DPH6: variants seen among roughly 807,000 people sequenced by gnomAD.
DPH6 encodes the protein diphthamine biosynthesis 6.
In DPH6, 33 loss-of-function variants were observed where a neutral mutation model predicts 38.2. The ratio of observed to expected loss-of-function variants is 0.86; its 90% CI spans 0.65 to 1.15. The LOEUF (loss-of-function observed/expected upper bound fraction) is 1.15. DPH6 is among the 50% of genes most tolerant of loss of function. The pLI is 0.00. For missense variants in DPH6, 325 were observed against 320.0 expected (o/e 1.02, Z -0.12); for synonymous variants, 108 against 103.0 (o/e 1.05, Z -0.30).
intron 3 of DPH6, among the ~76,000 whole-genome samples, chr15:35,499,553 T>C (rs1226891845): frequency 1.3e-5 from 2 of 152,142 alleles, no homozygotes; most frequent in Non-Finnish European, 2.9e-5. Flanking sequence ...CACTGTGTTT[T>C]GGGGAAAGGA....
intron 3 of DPH6, among the ~76,000 whole-genome samples, chr15:35,348,506 C>A (rs1342135824): frequency 2.0e-5 from 3 of 151,986 alleles, no homozygotes; most frequent in East Asian, 1.9e-4. Flanking sequence ...GTCTATAGGT[C>A]TATTTTTATG....
the DPH6 span, among the ~76,000 whole-genome samples, chr15:35,190,065 G>A: frequency 6.6e-6 from 1 of 151,960 alleles, no homozygotes; most frequent in East Asian, 1.9e-4. Flanking sequence ...TGGCAGTGCT[G>A]GAATAAAATT....
chr15:35,528,247 C>T (rs2055034622), intron 3 of DPH6, among the ~76,000 whole-genome samples: 3 of 152,070 alleles, frequency 2.0e-5, no homozygotes, highest in African/African-American at 7.2e-5. Context: ...GTATTAAGAA[C>T]TGATTCTGAT....
chr15:35,382,527 A>G (rs2052885040), intron 6 of DPH6, among the ~76,000 whole-genome samples: 1 of 152,226 alleles, frequency 6.6e-6, no homozygotes, highest in South Asian at 2.1e-4. Context: ...ATTCAAAGCT[A>G]GATTCAGTCA....
chr15:35,383,337 G>T (rs2052897586), intron 6 of DPH6, among the ~76,000 whole-genome samples: 1 of 152,124 alleles, frequency 6.6e-6, no homozygotes, highest in African/African-American at 2.4e-5. Context: ...TTAAAATCTG[G>T]ATGTACCCAG....
At chr15:35,276,985 A>G (rs59626914) in intron 3 of DPH6, among the ~76,000 whole-genome samples, 5,479 of 152,160 alleles carry the variant, frequency 0.036, 300 homozygotes, top group African/African-American at 0.12. Context: ...ATATTTTGAT[A>G]GGGATTACAC....
At chr15:35,310,432 G>T (rs989170507) in intron 3 of DPH6, among the ~76,000 whole-genome samples, 1 of 152,086 alleles carries the variant, frequency 6.6e-6, no homozygotes, top group Admixed American at 6.5e-5. Flanking sequence ...GAACAGTGGG[G>T]CGAGAAAAGA....
intron 5 of DPH6, among the ~76,000 whole-genome samples, chr15:35,418,359 A>C (rs2053461988): frequency 6.6e-6 from 1 of 152,164 alleles, no homozygotes. Context: ...TAATACATGA[A>C]TATATTACTT....
chr15:35,242,875 C>A (rs1357145780), intron 3 of DPH6, among the ~76,000 whole-genome samples: 2 of 142,362 alleles, frequency 1.4e-5, no homozygotes, highest in African/African-American at 2.5e-5. Context: ...CTCCTATTCA[C>A]CGTTCTCAAC....
chr15:35,381,763 A>C (rs1371451035), intron 7 of DPH6, 59 bp downstream of exon 7: 1 of 1,383,148 alleles, frequency 7.2e-7, no homozygotes, highest in Admixed American at 1.7e-5. Context: ...CTTAATGTTC[A>C]GTTGCTTCCA....
intron 3 of DPH6, among the ~76,000 whole-genome samples, chr15:35,354,230 G>A (rs192649556): frequency 2.4e-4 from 37 of 152,254 alleles, no homozygotes; most frequent in African/African-American, 8.4e-4. Flanking sequence ...CTGCAAACAG[G>A]GACAATTTGA....
chr15:35,339,559 AGGTCATC>A (rs2052404287), intron 3 of DPH6, among the ~76,000 whole-genome samples: 1 of 152,078 alleles, frequency 6.6e-6, no homozygotes, highest in Non-Finnish European at 1.5e-5. Context: ...TCCTAACTTC[AGGTCATC>A]TGCCTGCCTT....
the DPH6 span, among the ~76,000 whole-genome samples, chr15:35,180,540 A>G: frequency 6.6e-6 from 1 of 152,190 alleles, no homozygotes; most frequent in Admixed American, 6.5e-5. Context: ...GGCTCACTGC[A>G]GCCTTGACCT....
At position 35,487,053 on chromosome 15, in the gene DPH6, C is replaced by T. The variant is rs575699819; in HGVS notation, c.313-32233G>A. Among the ~76,000 whole-genome samples the T allele has an allele frequency of 4.6e-5, 7 of 152,290 alleles. No homozygotes were observed. In the South Asian group the frequency reaches 8.3e-4, roughly 18 times the overall value. ...GACTCCATGTCTCACATCCAGGGCACGCTGATGCAAGACATGGTCTCCCAA... is the reference window on the plus strand; with the variant it reads ...GACTCCATGTCTCACATCCAGGGCATGCTGATGCAAGACATGGTCTCCCAA... On this transcript the variant is annotated intron_variant, in intron 3 of 8. Transcript: ENST00000256538.
At chr15:35,315,477 T>C (rs1414205051) in intron 3 of DPH6, among the ~76,000 whole-genome samples, 1 of 152,224 alleles carries the variant, frequency 6.6e-6, no homozygotes, top group East Asian at 1.9e-4. Context: ...GCAGTTACTT[T>C]GCAACAGTGA....
intron 7 of DPH6, among the ~76,000 whole-genome samples, chr15:35,380,649 T>C (rs1474107416): frequency 6.6e-6 from 1 of 152,232 alleles, no homozygotes; most frequent in African/African-American, 2.4e-5. Context: ...TTGAATAATA[T>C]AACGTATTAT....
At chr15:35,237,475 C>T in intron 3 of DPH6, 6 of 1,584,004 alleles carry the variant, frequency 3.8e-6, no homozygotes, top group Non-Finnish European at 5.2e-6. Context: ...TCAGTGCAAC[C>T]AACGTAGGCC....
intron 3 of DPH6, among the ~76,000 whole-genome samples, chr15:35,268,228 G>C (rs1285916277): frequency 2.0e-5 from 3 of 151,194 alleles, no homozygotes; most frequent in African/African-American, 4.8e-5. Flanking sequence ...AAAGAAAACT[G>C]AAGGAGTTTG....
chr15:35,509,855 A>G (rs972744403), intron 3 of DPH6, among the ~76,000 whole-genome samples: 5 of 152,216 alleles, frequency 3.3e-5, no homozygotes, highest in Non-Finnish European at 7.3e-5. Flanking sequence ...AACCAGCCAC[A>G]TTAGGTAATT....
Sources: gnomAD v4.1 joint callset for allele counts (sites outside exome capture counted in the v4.1 genomes callset) on GRCh38, gnomAD v4.1.1 for gene constraint, MANE v1.5 for transcripts, NCBI Gene and HGNC (gene_info 2026-07-23, HGNC 2026-07-21) for gene names.